KIF7: variants seen among roughly 807,000 people sequenced by gnomAD.
KIF7 encodes kinesin family member 7, also known as kinesin-like protein KIF7.
In KIF7, 104 loss-of-function variants were observed where a neutral mutation model predicts 135.7. The observed-to-expected ratio is 0.77, with a 90% CI of 0.65 to 0.90. KIF7 has a LOEUF of 0.90. Ranked by LOEUF, KIF7 falls within the 40% of genes least tolerant of loss-of-function variation. The pLI is 0.00. For synonymous variants in KIF7, 883 were observed against 809.4 expected, an observed-to-expected ratio of 1.09 and a Z score of -1.54; for missense variants, 2,005 against 1,839.1, an observed-to-expected ratio of 1.09 and a Z score of -1.65.
At chr15:89,624,102 A>C, downstream of KIF7, 1 of 1,613,920 alleles carries the variant, frequency 6.2e-7, no homozygotes, top group Non-Finnish European at 8.5e-7. Context: ...CTCAGAATCA[A>C]ACACACCAAC....
At chr15:89,625,550 C>T, downstream of KIF7, 1 of 1,613,310 alleles carries the variant, frequency 6.2e-7, no homozygotes, top group Non-Finnish European at 8.5e-7. Context: ...TGCCAGCTCC[C>T]AGACCAGTCG....
intron 11 of KIF7, among the ~76,000 whole-genome samples, chr15:89,639,248 A>G (rs1963871538): frequency 6.6e-6 from 1 of 152,214 alleles, no homozygotes; most frequent in Non-Finnish European, 1.5e-5. Context: ...CTTCATGTCT[A>G]AAACACCAAA....
At chr15:89,633,558 G>A in intron 12 of KIF7, 128 bp downstream of exon 12, 2 of 1,054,948 alleles carry the variant, frequency 1.9e-6, no homozygotes, top group Admixed American at 2.1e-5. Flanking sequence ...AACAGACTCA[G>A]GCTAAGTGAC....
At chr15:89,630,085 A>C in intron 16 of KIF7, 1 of 619,558 alleles carries the variant, frequency 1.6e-6, no homozygotes, top group Non-Finnish European at 2.9e-6. Flanking sequence ...ATCAGAGCAG[A>C]AGTGGGGGGC....
At chr15:89,657,296 G>C (rs1964216919), upstream of KIF7, among the ~76,000 whole-genome samples, 1 of 124,896 alleles carries the variant, frequency 8.0e-6, no homozygotes, top group Admixed American at 8.8e-5. Flanking sequence ...GTGTGAGAGA[G>C]TGAGACCCTG....
At chr15:89,625,654 G>T, downstream of KIF7, 1 of 1,613,774 alleles carries the variant, frequency 6.2e-7, no homozygotes, top group Non-Finnish European at 8.5e-7. Context: ...GGCCAAGGAA[G>T]AAGCTGACCG....
chr15:89,631,122 G>C (rs1963664961), intron 15 of KIF7: 1 of 268,654 alleles, frequency 3.7e-6, no homozygotes, highest in Non-Finnish European at 7.2e-6. Context: ...AGTCACATAG[G>C]CTTTCTCTCT....
At chr15:89,661,405 C>T in the KIF7 span, among the ~76,000 whole-genome samples, 1 of 152,052 alleles carries the variant, frequency 6.6e-6, no homozygotes, top group Non-Finnish European at 1.5e-5. Context: ...TAAAGAAAAG[C>T]AAGGGAATGA....
intron 15 of KIF7, 110 bp downstream of exon 15, chr15:89,631,385 T>G (rs1319155365): frequency 2.9e-5 from 29 of 1,006,300 alleles, no homozygotes; most frequent in Admixed American, 1.7e-4. Flanking sequence ...AACTTGGGTC[T>G]GCCGACAGCA....
intron 13 of KIF7, 29 bp from the exon 14 acceptor site, chr15:89,633,025 A>AGGGAGGGAGGAAGGG (rs1555423475): frequency 2.3e-5 from 37 of 1,585,834 alleles, no homozygotes; most frequent in Non-Finnish European, 2.9e-5. Context: ...GGAGGGAGGG[A>AGGGAGGGAGGAAGGG]ACTCAGGGCC....
rs1270213542 is a variant in KIF7 at position 89,652,913 on chromosome 15, C to G, written c.18G>C (p.Gln6His). The change falls in exon 2 of 19, where the codon CAG becomes CAC. Residue 6 changes from glutamine to histidine, a missense_variant. By Grantham distance (24) the Gln-to-His change is conservative. Coordinates refer to ENST00000394412, the MANE Select transcript of KIF7 (RefSeq NM_198525.3). MGLEA[Q>H]RLPGAEEAPV... ...GGGCCTCCTCAGCCCCTGGCAGCCT[C>G]TGAGCCTCCAGCCCCATGCCGAGGG... The G allele has an allele frequency of 2.0e-6, 3 of 1,526,490 alleles. No homozygotes were observed. The highest frequency in any genetic ancestry group is 2.6e-6 in the Non-Finnish European group (3 of 1,133,752). 94.6% of individuals were successfully genotyped at this position (1,526,490 alleles called of 1,614,324 possible).
At chr15:89,623,186 G>GC (rs1189598261), downstream of KIF7, among the ~76,000 whole-genome samples, 2 of 152,204 alleles carry the variant, frequency 1.3e-5, no homozygotes, top group African/African-American at 4.8e-5. Flanking sequence ...AACACACAGT[G>GC]CCTGGCACAT....
At chr15:89,634,823 C>A (rs1432237197) in intron 11 of KIF7, among the ~76,000 whole-genome samples, 1 of 152,196 alleles carries the variant, frequency 6.6e-6, no homozygotes, top group African/African-American at 2.4e-5. Context: ...GTGGAGCCCA[C>A]CACAGCTCAA....
At position 89,628,505 on chromosome 15, in the gene KIF7, AG is replaced by A. The variant is rs1963584794; in HGVS notation, c.3945del (p.Trp1316GlyfsTer20). The A allele has an allele frequency of 1.2e-6, 2 of 1,612,656 alleles. No homozygotes were observed. Among genetic ancestry groups the A allele is most frequent in the Non-Finnish European group, 1.7e-6 (2 of 1,179,764 alleles). ...RVLPVGEAGL[P>X]WNFGPLSKPR... ...GGCTTGGACAAAGGCCCAAAGTTCC[AG>A]GGCAGGCCTGCCTCACCCACAGGAA... On this transcript the variant is annotated frameshift_variant, in exon 19 of 19. Coordinates refer to ENST00000394412, the MANE Select transcript of KIF7 (RefSeq NM_198525.3). LOFTEE classifies it high-confidence loss of function.
intron 11 of KIF7, among the ~76,000 whole-genome samples, chr15:89,634,434 G>T (rs1185677480): frequency 2.0e-5 from 3 of 152,224 alleles, no homozygotes; most frequent in Non-Finnish European, 4.4e-5. Context: ...TCTCACTAGG[G>T]AGTGCCAGAC....
chr15:89,617,466 T>C (rs139069160), intron 2 of KIF7, among the ~76,000 whole-genome samples: 145 of 152,292 alleles, frequency 9.5e-4, no homozygotes, highest in Middle Eastern at 3.4e-3. Flanking sequence ...GGTTTATAAT[T>C]CTGATGTTGT....
Position 89,628,727 on chromosome 15 carries a change from G to A in KIF7, c.3724C>T (p.Leu1242Phe). 6.2e-7 allele frequency: 1 copy of A among 1,612,998 alleles called. No individual in the cohort carries two copies. The highest frequency in any genetic ancestry group is 8.5e-7 in the Non-Finnish European group (1 of 1,179,956). The change falls in exon 19 of 19, where the codon CTC (leucine) becomes TTC (phenylalanine). Residue 1242 changes from leucine (L) to phenylalanine (F), a missense_variant. Coordinates refer to ENST00000394412, the MANE Select transcript of KIF7 (RefSeq NM_198525.3). Reference protein sequence around the residue: ...GRQAPGNEDELHLAPELLWLS... With the variant: ...GRQAPGNEDEFHLAPELLWLS... Reference sequence around the variant, plus strand: ...CAGAGAAGCTCGGGTGCCAGGTGGAGCTCATCTTCATTTCCAGGAGCCTGT... The same window carrying A: ...CAGAGAAGCTCGGGTGCCAGGTGGAACTCATCTTCATTTCCAGGAGCCTGT...
chr15:89,635,345 G>C (rs563507609), intron 11 of KIF7, among the ~76,000 whole-genome samples: 1 of 152,238 alleles, frequency 6.6e-6, no homozygotes, highest in African/African-American at 2.4e-5. Context: ...TTGACGAGCT[G>C]AGAGAAGAAG....
chr15:89,648,986 G>A lies in KIF7; in HGVS notation c.911C>T (p.Ser304Phe), dbSNP rs747038002. 1 of 1,538,952 alleles carries A rather than the reference G, an allele frequency of 6.5e-7. No homozygotes were observed. Among genetic ancestry groups the A allele is most frequent in the Non-Finnish European group, 8.8e-7 (1 of 1,141,098 alleles). ...RRGSHIPYRD[S>F]KITRILKDSL... ...GGGGGCAGCTCACCGGGTGATCTTG[G>A]AGTCGCGGTAGGGTATGTGGCTGCC... The change falls in exon 4 of 19, where the codon TCC (serine) becomes TTC (phenylalanine). Residue 304 changes from serine (S) to phenylalanine (F), a missense_variant. Ser to Phe is a radical substitution (Grantham distance 155). Coordinates refer to ENST00000394412, the MANE Select transcript of KIF7 (RefSeq NM_198525.3).
Sources: gnomAD v4.1 joint callset for allele counts (sites outside exome capture counted in the v4.1 genomes callset) on GRCh38, gnomAD v4.1.1 for gene constraint, MANE v1.5 for transcripts, NCBI Gene and HGNC (gene_info 2026-07-23, HGNC 2026-07-21) for gene names.